The following IQUB variants were observed in gnomAD, a reference collection of about 807,000 sequenced individuals.
The protein encoded by IQUB is IQ motif and ubiquitin-like domain-containing protein.
IQUB carries 86 observed loss-of-function variants against 86.4 expected under a neutral mutation model. The observed-to-expected ratio is 1.00, with a 90% CI of 0.84 to 1.19. The LOEUF (loss-of-function observed/expected upper bound fraction) is 1.19. Ranked by LOEUF, IQUB falls within the 50% of genes most tolerant of loss-of-function variation. IQUB has a pLI of 0.00. For synonymous variants in IQUB, 289 were observed against 304.5 expected (o/e 0.95, Z 0.53); for missense variants, 946 against 916.9 (o/e 1.03, Z -0.41).
chr7:123,500,182 A>G (rs1795878775), intron 6 of IQUB, among the ~76,000 whole-genome samples: 1 of 152,202 alleles, frequency 6.6e-6, no homozygotes, highest in Non-Finnish European at 1.5e-5. Context: ...TGGAGTAGCC[A>G]TTCTTTTGTT....
At chr7:123,508,596 G>C (rs1796289873) in intron 3 of IQUB, among the ~76,000 whole-genome samples, 1 of 152,212 alleles carries the variant, frequency 6.6e-6, no homozygotes, top group Admixed American at 6.5e-5. Flanking sequence ...GGTACCTAAA[G>C]ACGAAAGGTC....
At chr7:123,507,895 A>T (rs994732238) in intron 3 of IQUB, among the ~76,000 whole-genome samples, 1 of 152,026 alleles carries the variant, frequency 6.6e-6, no homozygotes, top group Non-Finnish European at 1.5e-5. Flanking sequence ...ATTAACATGA[A>T]TGTCATATGG....
chr7:123,474,133 C>G (rs1393606413), intron 8 of IQUB, among the ~76,000 whole-genome samples: 9 of 152,098 alleles, frequency 5.9e-5, no homozygotes, highest in Non-Finnish European at 1.0e-4. Flanking sequence ...ATAAACCACA[C>G]AGTATTTGGA....
chr7:123,452,827 A>T lies in IQUB; in HGVS notation c.2292T>A (p.Asp764Glu). ...QVPVLASFIL[D>E]DGEIDEIRWK... Reference sequence around the variant, plus strand: ...ATCTGATCTCATCAATTTCACCATCATCAAGTATAAATGAAGCCAGCACTG... The same window carrying T: ...ATCTGATCTCATCAATTTCACCATCTTCAAGTATAAATGAAGCCAGCACTG... The change falls in exon 13 of 13, where the codon GAT (aspartate) becomes GAA (glutamate). Residue 764 changes from aspartate (D) to glutamate (E), a missense_variant. Coordinates refer to ENST00000324698, the MANE Select transcript of IQUB (RefSeq NM_178827.5). 1 of 1,613,654 alleles carries T rather than the reference A, an allele frequency of 6.2e-7. No homozygotes were observed. Among genetic ancestry groups the T allele is most frequent in the Non-Finnish European group, 8.5e-7 (1 of 1,179,666 alleles).
intron 12 of IQUB, among the ~76,000 whole-genome samples, chr7:123,455,704 A>G (rs1388857772): frequency 6.6e-6 from 1 of 152,098 alleles, no homozygotes; most frequent in Non-Finnish European, 1.5e-5. Flanking sequence ...AGCTGCTTTT[A>G]TCCTCTTTAC....
chr7:123,522,252 T>C (rs1796939374), intron 1 of IQUB, among the ~76,000 whole-genome samples: 1 of 152,200 alleles, frequency 6.6e-6, no homozygotes. Context: ...CACTGGTGTT[T>C]CCCCTGTTGG....
chr7:123,513,061 G>T (rs977421970), intron 1 of IQUB, among the ~76,000 whole-genome samples: 1 of 152,146 alleles, frequency 6.6e-6, no homozygotes, highest in Non-Finnish European at 1.5e-5. Context: ...GGAAAATAGG[G>T]AAGGTAGCCC....
At chr7:123,515,008 T>A (rs1304760846) in intron 1 of IQUB, among the ~76,000 whole-genome samples, 1 of 151,734 alleles carries the variant, frequency 6.6e-6, no homozygotes, top group Admixed American at 6.6e-5. Context: ...TTCAAAACAA[T>A]CAAGAGGGAA....
intron 8 of IQUB, among the ~76,000 whole-genome samples, chr7:123,472,112 C>G (rs1794548772): frequency 6.6e-6 from 1 of 151,926 alleles, no homozygotes; most frequent in African/African-American, 2.4e-5. Context: ...GTGGCACTCA[C>G]CTGTAATCCC....
chr7:123,454,792 G>A (rs928690079), intron 12 of IQUB, among the ~76,000 whole-genome samples: 8 of 152,082 alleles, frequency 5.3e-5, no homozygotes, highest in Non-Finnish European at 1.2e-4. Flanking sequence ...GTTTTGGGGA[G>A]GAAGACCACA....
chr7:123,525,680 GT>G (rs1032859882), intron 1 of IQUB, among the ~76,000 whole-genome samples: 6 of 152,138 alleles, frequency 3.9e-5, no homozygotes, highest in African/African-American at 1.2e-4. Flanking sequence ...TTTTTGAAGG[GT>G]TTTTTGTGTC....
chr7:123,522,183 C>T (rs748753302), intron 1 of IQUB, among the ~76,000 whole-genome samples: 1 of 152,010 alleles, frequency 6.6e-6, no homozygotes, highest in African/African-American at 2.4e-5. Flanking sequence ...AAAGAGCAGG[C>T]TTTCTTTGGT....
At chr7:123,472,279 GAA>G (rs1481459637) in intron 8 of IQUB, among the ~76,000 whole-genome samples, 2 of 151,522 alleles carry the variant, frequency 1.3e-5, no homozygotes, top group East Asian at 3.9e-4. Flanking sequence ...AAGAAATAAA[GAA>G]AGAAAGAGAA....
chr7:123,469,081 G>T, intron 9 of IQUB, 133 bp downstream of exon 9: 1 of 529,878 alleles, frequency 1.9e-6, no homozygotes, highest in Non-Finnish European at 3.2e-6. Context: ...AAATATTAAT[G>T]CATAAACCAC....
intron 1 of IQUB, among the ~76,000 whole-genome samples, chr7:123,513,368 G>T (rs1327004026): frequency 6.6e-6 from 1 of 152,098 alleles, no homozygotes; most frequent in Non-Finnish European, 1.5e-5. Flanking sequence ...ATAGAATGAT[G>T]CAAACAGATA....
At chr7:123,502,436 G>A (rs1795986443) in intron 6 of IQUB, 161 bp downstream of exon 6, 4 of 616,538 alleles carry the variant, frequency 6.5e-6, no homozygotes, top group Non-Finnish European at 1.1e-5. Context: ...TTTACATGGG[G>A]GAATACTGGA....
intron 8 of IQUB, among the ~76,000 whole-genome samples, chr7:123,472,100 C>T (rs1584566444): frequency 2.6e-5 from 4 of 151,534 alleles, no homozygotes; most frequent in African/African-American, 4.8e-5. Flanking sequence ...TAGCTGAGTG[C>T]GGTGGCACTC....
At position 123,512,102 on chromosome 7, in the gene IQUB, T is replaced by C. The variant is rs1193757966; in HGVS notation, c.239A>G (p.Glu80Gly). Residue 80 changes from glutamate to glycine, a missense_variant, in exon 2 of 13, where the codon GAA becomes GGA. Transcript: ENST00000324698. Reference protein sequence around the residue: ...SLEPDNEQLMEEVISPRQVSY... With the variant: ...SLEPDNEQLMGEVISPRQVSY... ...AACTTGTCTTGGTGATATAACCTCT[T>C]CCATGAGTTGTTCATTGTCTGGTTC... The C allele has an allele frequency of 1.2e-6, 2 of 1,613,964 alleles. No individual in the cohort carries two copies. The highest frequency in any genetic ancestry group is 4.5e-5 in the East Asian group (2 of 44,872).
At chr7:123,525,032 T>C (rs1172907973) in intron 1 of IQUB, among the ~76,000 whole-genome samples, 1 of 152,268 alleles carries the variant, frequency 6.6e-6, no homozygotes, top group East Asian at 1.9e-4. Context: ...GAACCAGGCT[T>C]GTATCCCAGG....
Sources: gnomAD v4.1 joint callset for allele counts (sites outside exome capture counted in the v4.1 genomes callset) on GRCh38, gnomAD v4.1.1 for gene constraint, MANE v1.5 for transcripts, NCBI Gene and HGNC (gene_info 2026-07-23, HGNC 2026-07-21) for gene names.